The following IGFN1 variants were observed in gnomAD, a reference collection of about 807,000 sequenced individuals.
IGFN1 encodes the protein immunoglobulin-like and fibronectin type III domain-containing protein 1.
IGFN1 carries 253 observed loss-of-function variants against 289.5 expected under a neutral mutation model. That is an observed-to-expected ratio of 0.87 (90% CI 0.79 to 0.97). The LOEUF is 0.97. Ranked by LOEUF, IGFN1 falls within the 50% of genes least tolerant of loss-of-function variation. The pLI is 0.00. For synonymous variants in IGFN1, 1,706 were observed against 1,788.5 expected, an observed-to-expected ratio of 0.95 and a Z score of 1.16; for missense variants, 4,470 against 4,686.1, an observed-to-expected ratio of 0.95 and a Z score of 1.35.
In IGFN1 at chr1:201,207,962, T is replaced by A; in HGVS notation, c.3069T>A (p.Asn1023Lys). The A allele has an allele frequency of 2.0e-6, 3 of 1,536,416 alleles. No individual in the cohort carries two copies. Among genetic ancestry groups the A allele is most frequent in the South Asian group, 1.2e-5 (1 of 84,038 alleles). ...CGCCTGGGGGAGTGTGGTCTGGAAATGAAGATTCTGGCCCTGCAGGAGGAG... is the reference window on the plus strand; with the variant it reads ...CGCCTGGGGGAGTGTGGTCTGGAAAAGAAGATTCTGGCCCTGCAGGAGGAG... ...SGAPGGVWSG[N>K]EDSGPAGGGS... The change falls in exon 12 of 24, where the codon AAT becomes AAA. Residue 1023 changes from asparagine (N) to lysine (K), a missense_variant. Asn to Lys is a moderately conservative substitution (Grantham distance 94). Coordinates refer to ENST00000335211, the MANE Select transcript of IGFN1 (RefSeq NM_001164586.2).
intron 16 of IGFN1, 48 bp from the exon 17 acceptor site, chr1:201,217,239 G>A (rs961137739): frequency 3.0e-5 from 47 of 1,578,272 alleles, no homozygotes; most frequent in African/African-American, 4.0e-5. Context: ...CCCATGAGCC[G>A]GCACCTTTCC....
Position 201,203,730 on chromosome 1 carries a change from G to T in IGFN1, c.748-8G>T, listed in dbSNP as rs370961571. ...GAGGCCCGCCTCCTCTTCCTTTTCT[G>T]GCCTTAGGATGGTGAGATGATCCCC... On this transcript the variant is annotated splice_region_variant and splice_polypyrimidine_tract_variant and intron_variant, in intron 9 of 23. Coordinates refer to ENST00000335211, the MANE Select transcript of IGFN1 (RefSeq NM_001164586.2). 3 of 1,551,020 alleles carry T rather than the reference G, an allele frequency of 1.9e-6. No individual in the cohort carries two copies. The highest frequency in any genetic ancestry group is 2.6e-6 in the Non-Finnish European group (3 of 1,146,864).
In IGFN1 at chr1:201,217,329, C is replaced by T. The variant is rs1240798876; in HGVS notation, c.9638C>T (p.Ser3213Phe). ...TCCGCGCCAGCCATCCTGTCGGCCTCCAGCCAGGGCATCACACTGACATGG... is the reference window on the plus strand; with the variant it reads ...TCCGCGCCAGCCATCCTGTCGGCCTTCAGCCAGGGCATCACACTGACATGG... The part of the protein sequence containing the change: ...APSAPAILSA[S>F]SQGITLTWTA... The change falls in exon 17 of 24, where the codon TCC becomes TTC. Residue 3213 changes from serine (S) to phenylalanine (F), a missense_variant. By Grantham distance (155) the Ser-to-Phe change is radical. Around this residue, in one of 8 missense-constraint regions of IGFN1, gnomAD observed 2,218 missense variants for 2,114.1 expected, o/e 1.05. Coordinates refer to ENST00000335211, the MANE Select transcript of IGFN1 (RefSeq NM_001164586.2). The T allele has an allele frequency of 1.2e-6, 2 of 1,614,140 alleles. No individual in the cohort carries two copies. The highest frequency in any genetic ancestry group is 1.7e-6 in the Non-Finnish European group (2 of 1,179,998).
chr1:201,196,505 C>T (rs1274679412), intron 4 of IGFN1, among the ~76,000 whole-genome samples: 5 of 152,080 alleles, frequency 3.3e-5, no homozygotes, highest in South Asian at 2.1e-4. Flanking sequence ...CCATCACGCC[C>T]GACTAATTTT....
chr1:201,211,301 A>G lies in IGFN1; in HGVS notation c.6408A>G (p.Ser2136=). 1 of 1,531,260 alleles carries G rather than the reference A, an allele frequency of 6.5e-7. No homozygotes were observed. Among genetic ancestry groups the G allele is most frequent in the Non-Finnish European group, 8.7e-7 (1 of 1,143,618 alleles). 94.9% of individuals were successfully genotyped at this position (1,531,260 alleles called of 1,614,324 possible). A position where few individuals can be genotyped will look rare whatever the true frequency, so the allele number is the denominator to read the frequency against. Residue 2136 remains serine, a synonymous_variant, in exon 12 of 24, where the codon TCA becomes TCG. Coordinates refer to ENST00000335211, the MANE Select transcript of IGFN1 (RefSeq NM_001164586.2). ...DGLGSSTEMG[S]VNEAGYRKDL... Reference sequence around the variant, plus strand: ...TAGGGAGTTCTACAGAAATGGGGTCAGTGAATGAGGCAGGTTATAGGAAGG... The same window carrying G: ...TAGGGAGTTCTACAGAAATGGGGTCGGTGAATGAGGCAGGTTATAGGAAGG...
chr1:201,194,051 CT>C, intron 2 of IGFN1, 102 bp from the exon 3 acceptor site: 1 of 1,358,258 alleles, frequency 7.4e-7, no homozygotes. Context: ...CGAGAAGGGG[CT>C]TCTTGCTCCT....
At chr1:201,221,788 C>A (rs148810831) in intron 19 of IGFN1, 42 bp downstream of exon 19, 1 of 1,521,586 alleles carries the variant, frequency 6.6e-7, no homozygotes, top group Non-Finnish European at 8.8e-7. Context: ...CCCTGCAGGC[C>A]TCTCCTAAGA....
intron 3 of IGFN1, 80 bp downstream of exon 3, chr1:201,194,353 C>T (rs955384307): frequency 6.8e-7 from 1 of 1,479,888 alleles, no homozygotes; most frequent in Non-Finnish European, 9.1e-7. Flanking sequence ...GGGGCACCAA[C>T]CTTCCTGGGG....
At chr1:201,200,809 G>A (rs2091215) in intron 8 of IGFN1, among the ~76,000 whole-genome samples, 36,480 of 151,128 alleles carry the variant, frequency 0.24, 4,990 homozygotes, top group African/African-American at 0.35. Context: ...ATTGCGGGGG[G>A]GAGGTACCTG....
Position 201,208,876 on chromosome 1 carries a change from T to C in IGFN1, c.3983T>C (p.Leu1328Ser), listed in dbSNP as rs1442022778. Residue 1328 changes from leucine to serine, a missense_variant, in exon 12 of 24, where the codon TTA becomes TCA. This residue lies in a region of IGFN1 where 2,011 missense variants were observed against 1,953.4 expected (regional missense o/e 1.03). Transcript: ENST00000335211. Reference sequence around the variant, plus strand: ...GATGAAGCAGGTTATAGGAAAGATTTAGGGGCTCCTGAGGGAATAAGTTCA... The same window carrying C: ...GATGAAGCAGGTTATAGGAAAGATTCAGGGGCTCCTGAGGGAATAAGTTCA... ...SMDEAGYRKD[L>S]GAPEGISSGS... 16 of 1,536,360 alleles carry C rather than the reference T, an allele frequency of 1.0e-5. No homozygotes were observed. The Admixed American group carries it at 2.6e-4, about 25-fold the overall frequency.
At position 201,208,388 on chromosome 1, in the gene IGFN1, G is replaced by A. The variant is rs922418332; in HGVS notation, c.3495G>A (p.Gly1165=). The change falls in exon 12 of 24, where the codon GGG becomes GGA. Residue 1165 remains glycine (G), a synonymous_variant. Transcript: ENST00000335211. ...GGGCAGGAAGCAAAGTGGGTGAGGGGGATGGGACAAGATGCCCTGGTGCTA... is the reference window on the plus strand; with the variant it reads ...GGGCAGGAAGCAAAGTGGGTGAGGGAGATGGGACAAGATGCCCTGGTGCTA... The part of the protein sequence containing the change: ...SLRAGSKVGE[G]DGTRCPGAKA... The A allele has an allele frequency of 7.6e-6, 11 of 1,455,472 alleles. No individual in the cohort carries two copies. Among genetic ancestry groups the A allele is most frequent in the Non-Finnish European group, 9.0e-6 (10 of 1,112,942 alleles). 90.2% of individuals were successfully genotyped at this position (1,455,472 alleles called of 1,614,324 possible).
At position 201,222,790 on chromosome 1, in the gene IGFN1, A is replaced by C. The variant is rs1237833442; in HGVS notation, c.10253A>C (p.Lys3418Thr). 6.2e-7 allele frequency: 1 copy of C among 1,613,526 alleles called. No individual in the cohort carries two copies. The highest frequency in any genetic ancestry group is 8.5e-7 in the Non-Finnish European group (1 of 1,179,644). Residue 3418 changes from lysine to threonine, a missense_variant, in exon 20 of 24, where the codon AAG becomes ACG. Lys to Thr is a moderately conservative substitution (Grantham distance 78, BLOSUM62 -1). Around this residue, in one of 8 missense-constraint regions of IGFN1, gnomAD observed 2,218 missense variants for 2,114.1 expected, o/e 1.05. Transcript: ENST00000335211. ...AGCACCAAGGACTTGCTGACAGTCA[A>C]GGTCGGGGACACAGTTCGTGTGCCC... Reference protein sequence around the residue: ...DSSTKDLLTVKVGDTVRVPVS... With the variant: ...DSSTKDLLTVTVGDTVRVPVS...
At chr1:201,196,093 T>C (rs914434635) in intron 4 of IGFN1, 115 bp downstream of exon 4, 3 of 1,063,836 alleles carry the variant, frequency 2.8e-6, no homozygotes, top group East Asian at 2.7e-5. Context: ...CTCGTTGAGG[T>C]TGAATCCATT....
rs576389837 is a variant in IGFN1, at chr1:201,205,336, G to T, written c.1171G>T (p.Ala391Ser). 4.8e-5 allele frequency: 74 copies of T among 1,539,666 alleles called. No individual in the cohort carries two copies. The highest frequency in any genetic ancestry group is 6.0e-5 in the Non-Finnish European group (68 of 1,138,728). The change falls in exon 11 of 24, where the codon GCC becomes TCC. Residue 391 changes from alanine to serine, a missense_variant. By Grantham distance (99) the Ala-to-Ser change is moderately conservative. Transcript: ENST00000335211. ...GGGCACCGGGCTCTACACTTCCAGCGCCTGGCTGGTGGTTGAAGGTGAGTG... is the reference window on the plus strand; with the variant it reads ...GGGCACCGGGCTCTACACTTCCAGCTCCTGGCTGGTGGTTGAAGGTGAGTG... ...SLGTGLYTSS[A>S]WLVVEAGKDK...
rs376314473 is a variant in IGFN1 at position 201,225,876 on chromosome 1, G to A, written c.10539G>A (p.Thr3513=). 24 of 1,612,940 alleles carry A rather than the reference G, an allele frequency of 1.5e-5. No homozygotes were observed. The highest frequency in any genetic ancestry group is 1.7e-4 in the Middle Eastern group (1 of 6,044). The stretch of plus-strand genomic sequence containing the variant: ...ACCTGCAGGAGAACGTGCCTGGGAC[G>A]GTGACGGCCGAGTGGGAACCCTCTC... ...PIHLQENVPG[T]VTAEWEPSPD... The change falls in exon 22 of 24, where the codon ACG becomes ACA. Residue 3513 remains threonine, a synonymous_variant. Transcript: ENST00000335211.
In IGFN1 at chr1:201,207,920, C is replaced by T. The variant is rs1205831657; in HGVS notation, c.3027C>T (p.Tyr1009=). 5 of 1,536,666 alleles carry T rather than the reference C, an allele frequency of 3.3e-6. No individual in the cohort carries two copies. In the South Asian group the frequency reaches 3.6e-5, roughly 11 times the overall value. ...AGVESEEGGG[Y]RHGSGAPGGV... is the part of the protein sequence containing the mutation. ...TGGAGTCTGAGGAAGGGGGTGGGTA[C>T]AGGCATGGCTCCGGAGCGCCTGGGG... Residue 1009 remains tyrosine, a synonymous_variant, in exon 12 of 24, where the codon TAC becomes TAT. Coordinates refer to ENST00000335211, the MANE Select transcript of IGFN1 (RefSeq NM_001164586.2).
rs562335420 is a variant in IGFN1, at chr1:201,208,119, G to A, written c.3226G>A (p.Gly1076Ser). ...TAGGGGAGGGCACCATTCAGATGGT[G>A]GCCTAGGGAGTCCTGGGGTGACAGG... is the stretch of plus-strand genomic sequence containing the variant. ...DPRGGHHSDGGLGSPGVTGSA... is the reference protein window; with the variant it reads ...DPRGGHHSDGSLGSPGVTGSA... Residue 1076 changes from glycine to serine, a missense_variant, in exon 12 of 24, where the codon GGC (glycine) becomes AGC (serine). Physicochemically the swap from Gly to Ser is moderately conservative, Grantham distance 56 (BLOSUM62 0). This residue lies in a region of IGFN1 where 2,011 missense variants were observed against 1,953.4 expected (regional missense o/e 1.03). Coordinates refer to ENST00000335211, the MANE Select transcript of IGFN1 (RefSeq NM_001164586.2). The A allele has an allele frequency of 4.2e-5, 64 of 1,536,880 alleles. No homozygotes were observed. In the South Asian group the frequency reaches 6.5e-4, roughly 16 times the overall value.
Position 201,218,563 on chromosome 1 carries a change from G to T in IGFN1, c.9803G>T (p.Gly3268Val), listed in dbSNP as rs1653484404. 1 of 1,613,516 alleles carries T rather than the reference G, an allele frequency of 6.2e-7. No homozygotes were observed. The highest frequency in any genetic ancestry group is 8.5e-7 in the Non-Finnish European group (1 of 1,179,976). ...TGGACGGTGGCGGACGTGCGGCAGGGCTGTCAGTATGAGTTCCGGGTCACA... is the reference window on the plus strand; with the variant it reads ...TGGACGGTGGCGGACGTGCGGCAGGTCTGTCAGTATGAGTTCCGGGTCACA... ...RRWTVADVRQ[G>V]CQYEFRVTAV... The change falls in exon 18 of 24, where the codon GGC becomes GTC. Residue 3268 changes from glycine (G) to valine (V), a missense_variant. This residue lies in a region of IGFN1 where 2,218 missense variants were observed against 2,114.1 expected (regional missense o/e 1.05). Coordinates refer to ENST00000335211, the MANE Select transcript of IGFN1 (RefSeq NM_001164586.2).
chr1:201,193,827 G>A (rs561521066), intron 2 of IGFN1, among the ~76,000 whole-genome samples: 2 of 152,242 alleles, frequency 1.3e-5, no homozygotes, highest in African/African-American at 2.4e-5. Context: ...ACGAGCTCCT[G>A]CTTCTTGGCT....
Sources: allele counts gnomAD v4.1 joint callset (sites outside exome capture counted in the v4.1 genomes callset), GRCh38; gene constraint gnomAD v4.1.1; regional missense constraint gnomAD v4.1.1; transcripts MANE v1.5; gene names NCBI Gene and HGNC (gene_info 2026-07-23, HGNC 2026-07-21).